CYP4F8: variants seen among roughly 807,000 people sequenced by gnomAD.
The protein encoded by CYP4F8 is cytochrome P450 family 4 subfamily F member 8.
CYP4F8 carries 56 observed loss-of-function variants against 55.0 expected under a neutral mutation model. The ratio of observed to expected loss-of-function variants is 1.02; its 90% CI spans 0.82 to 1.27. The LOEUF (loss-of-function observed/expected upper bound fraction) is 1.27, where lower values mean the gene tolerates loss of function less well. Ranked by LOEUF, CYP4F8 falls within the 50% of genes most tolerant of loss-of-function variation. The probability of loss-of-function intolerance (pLI) is 0.00; values close to 1 mark genes in which losing one functional copy is unlikely to be tolerated. For synonymous variants in CYP4F8, 288 were observed against 267.3 expected (o/e 1.08, Z -0.76); for missense variants, 680 against 682.4 (o/e 1.00, Z 0.04).
Position 15,623,363 on chromosome 19 carries a change from C to G in CYP4F8, c.906C>G (p.Leu302=). The G allele has an allele frequency of 6.2e-7, 1 of 1,613,480 alleles. No homozygotes were observed. The change falls in exon 7 of 13, where the codon CTC becomes CTG. Residue 302 remains leucine, a synonymous_variant. Coordinates refer to ENST00000612078, the MANE Select transcript of CYP4F8 (RefSeq NM_007253.4). The stretch of plus-strand genomic sequence containing the variant: ...AGACTTTGGACTTTATTGATGTGCT[C>G]CTGCTGAGCGAGGTGGGCCTCTCTG... ...KSKTLDFIDV[L]LLSEDKNGKE...
chr19:15,624,613 CA>C (rs1972239380), intron 9 of CYP4F8, among the ~76,000 whole-genome samples: 1 of 152,166 alleles, frequency 6.6e-6, no homozygotes, highest in African/African-American at 2.4e-5. Flanking sequence ...ACTGCTGAGC[CA>C]AAGACCATTT....
At chr19:15,616,939 AG>A (rs34865325) in intron 2 of CYP4F8, among the ~76,000 whole-genome samples, 71,062 of 152,002 alleles carry the variant, frequency 0.47, 17,321 homozygotes, top group Non-Finnish European at 0.54. Flanking sequence ...GATGTGCAAA[AG>A]GTGCTCCCTG....
chr19:15,625,159 A>C (rs1951469342), intron 9 of CYP4F8, among the ~76,000 whole-genome samples: 1 of 151,658 alleles, frequency 6.6e-6, no homozygotes, highest in African/African-American at 2.4e-5. Context: ...ATATTTTTAA[A>C]AGTTTAACAT....
At position 15,618,149 on chromosome 19, in the gene CYP4F8, TC is replaced by T. The variant is rs751238594; in HGVS notation, c.343+7del. 1 of 1,613,954 alleles carries T rather than the reference TC, an allele frequency of 6.2e-7. No homozygotes were observed. Among genetic ancestry groups the T allele is most frequent in the Non-Finnish European group, 8.5e-7 (1 of 1,179,970 alleles). ...GATCTGTCATCAATACCTCAGGTAC[TC>T]CTGCAGAGCTTGTGGTGGTGGGCAC... On this transcript the variant is annotated splice_donor_region_variant and intron_variant, in intron 3 of 12. Coordinates refer to ENST00000612078, the MANE Select transcript of CYP4F8 (RefSeq NM_007253.4).
Position 15,628,323 on chromosome 19 carries a change from C to A in CYP4F8, c.1137C>A (p.Pro379=). ...TTAGGGACGACCTGGCCCAGTTGCC[C>A]TTCCTGACCATGTGCCTGAAGGAGA... The part of the protein sequence containing the change: ...EIEWDDLAQL[P]FLTMCLKESL... Residue 379 remains proline (P), a synonymous_variant, in exon 10 of 13, where the codon CCC becomes CCA. Transcript: ENST00000612078. The A allele has an allele frequency of 6.2e-7, 1 of 1,614,102 alleles. No individual in the cohort carries two copies. The highest frequency in any genetic ancestry group is 8.5e-7 in the Non-Finnish European group (1 of 1,180,016).
intron 5 of CYP4F8, 29 bp from the exon 6 acceptor site, chr19:15,622,190 G>T: frequency 1.2e-6 from 2 of 1,603,732 alleles, no homozygotes; most frequent in Non-Finnish European, 1.7e-6. Context: ...CCAAGGCCTG[G>T]CCCCAGCCCT....
chr19:15,624,898 C>T (rs1007050864), intron 9 of CYP4F8, among the ~76,000 whole-genome samples: 5 of 152,082 alleles, frequency 3.3e-5, no homozygotes, highest in Non-Finnish European at 7.4e-5. Context: ...TTGGGTCGTA[C>T]TAGTTTTCTT....
chr19:15,622,479 G>GGAGAGAGA, intron 6 of CYP4F8, 139 bp downstream of exon 6: 1 of 1,218,450 alleles, frequency 8.2e-7, no homozygotes, highest in Non-Finnish European at 1.1e-6. Flanking sequence ...AAGGAGAGAA[G>GGAGAGAGA]GAGAGAGAGA....
chr19:15,616,911 C>T (rs960934144), intron 2 of CYP4F8, among the ~76,000 whole-genome samples: 6 of 150,074 alleles, frequency 4.0e-5, no homozygotes, highest in South Asian at 2.1e-4. Context: ...GAACACAGGA[C>T]GGACTAGCTC....
rs770802827 is a variant in CYP4F8 at position 15,623,765 on chromosome 19, G to C, written c.985G>C (p.Gly329Arg). Residue 329 changes from glycine to arginine, a missense_variant and splice_region_variant, in exon 8 of 13, where the codon GGC (glycine) becomes CGC (arginine). Physicochemically the swap from Gly to Arg is moderately radical, Grantham distance 125. Transcript: ENST00000612078. ...RAEADTFMFG[G>R]HDTTASGLSW... is the part of the protein sequence containing the mutation. ...AGAAGCTGACACTTTCATGTTTGGA[G>C]GTGAGTGTCCCAGTCTGGGGCTACA... The C allele has an allele frequency of 6.2e-7, 1 of 1,613,406 alleles. No homozygotes were observed. Among genetic ancestry groups the C allele is most frequent in the Non-Finnish European group, 8.5e-7 (1 of 1,180,044 alleles).
At chr19:15,627,707 T>A (rs1972279955) in intron 9 of CYP4F8, 1 of 152,612 alleles carries the variant, frequency 6.6e-6, no homozygotes, top group South Asian at 2.1e-4. Flanking sequence ...AGATGTTTTT[T>A]TCCTGCTTTT....
At chr19:15,623,810 C>T in intron 8 of CYP4F8, 45 bp downstream of exon 8, 1 of 1,610,996 alleles carries the variant, frequency 6.2e-7, no homozygotes, top group Non-Finnish European at 8.5e-7. Context: ...GGGGTCTCTC[C>T]ACTCCAGGGA....
At chr19:15,617,483 C>CATCT (rs71176449) in intron 2 of CYP4F8, among the ~76,000 whole-genome samples, 26,094 of 149,492 alleles carry the variant, frequency 0.17, 2,251 homozygotes, top group East Asian at 0.2. Flanking sequence ...TCAATATCTA[C>CATCT]ATCTATCTAT....
At position 15,623,143 on chromosome 19, in the gene CYP4F8, G is replaced by C. The variant is rs775341868; in HGVS notation, c.686G>C (p.Ser229Thr). The C allele has an allele frequency of 6.2e-7, 1 of 1,614,102 alleles. No individual in the cohort carries two copies. ...SEYITAIMELSALVVKRNNQF... is the reference protein window; with the variant it reads ...SEYITAIMELTALVVKRNNQF... ...TATATTACTGCGATCATGGAGCTCA[G>C]TGCCCTTGTAGTGAAACGGAATAAC... Residue 229 changes from serine (S) to threonine (T), a missense_variant, in exon 7 of 13, where the codon AGT (serine) becomes ACT (threonine). Physicochemically the swap from Ser to Thr is moderately conservative, Grantham distance 58. Transcript: ENST00000612078.
Position 15,630,274 on chromosome 19 carries a change from G to A in CYP4F8, c.*916G>A, listed in dbSNP as rs1214973104. 6.6e-6 allele frequency: 1 copy of A among 152,150 alleles called. No individual in the cohort carries two copies. The highest frequency in any genetic ancestry group is 1.5e-5 in the Non-Finnish European group (1 of 68,036). 9.4% of individuals were successfully genotyped at this position (152,150 alleles called of 1,614,324 possible). The stretch of plus-strand genomic sequence containing the variant: ...TGAATGACTCCATCACCCATGTAGT[G>A]AGCATAGTATCTAATAGGCAGTTTT... On this transcript the variant is annotated 3_prime_UTR_variant, in exon 13 of 13. Transcript: ENST00000612078.
In CYP4F8 at chr19:15,623,978, G is replaced by A. The variant is rs1190479126; in HGVS notation, c.999G>A (p.Thr333=). ...DTFMFGGHDT[T]ASGLSWVLYN... ...GCTGACCCTCAGGCCATGACACCAC[G>A]GCCAGTGGCCTCTCCTGGGTCTTGT... is the stretch of plus-strand genomic sequence containing the variant. The change falls in exon 9 of 13, where the codon ACG becomes ACA. Residue 333 remains threonine, a synonymous_variant. Transcript: ENST00000612078. 13 of 1,613,972 alleles carry A rather than the reference G, an allele frequency of 8.1e-6. No homozygotes were observed. Among genetic ancestry groups the A allele is most frequent in the African/African-American group, 1.3e-5 (1 of 74,922 alleles).
At chr19:15,618,461 G>T (rs1350677245) in intron 3 of CYP4F8, 1 of 435,052 alleles carries the variant, frequency 2.3e-6, no homozygotes, top group East Asian at 5.5e-5. Flanking sequence ...AACTTCATGG[G>T]GTTCAGAATG....
At chr19:15,628,181 TG>T in intron 9 of CYP4F8, 120 bp from the exon 10 acceptor site, 2 of 1,452,180 alleles carry the variant, frequency 1.4e-6, no homozygotes, top group South Asian at 2.6e-5. Context: ...CTTACATCTT[TG>T]TTGCTTCTGG....
Position 15,619,378 on chromosome 19 carries a change from A to C in CYP4F8, c.344-112A>C, listed in dbSNP as rs1034446695. ...TTCTGCCCATGGCCTCCTTCCTGCTATGCTGGGCTTGGAGAAAAGACGTCC... is the reference window on the plus strand; with the variant it reads ...TTCTGCCCATGGCCTCCTTCCTGCTCTGCTGGGCTTGGAGAAAAGACGTCC... On this transcript the variant is annotated intron_variant, in intron 3 of 12. Transcript: ENST00000612078. The C allele has an allele frequency of 3.8e-6, 5 of 1,307,652 alleles. No individual in the cohort carries two copies. In the African/African-American group the frequency reaches 7.4e-5, roughly 19 times the overall value. 81.0% of individuals were successfully genotyped at this position (1,307,652 alleles called of 1,614,324 possible).
Sources: gnomAD v4.1 joint callset for allele counts (sites outside exome capture counted in the v4.1 genomes callset) on GRCh38, gnomAD v4.1.1 for gene constraint, MANE v1.5 for transcripts, NCBI Gene and HGNC (gene_info 2026-07-23, HGNC 2026-07-21) for gene names.